Variants in SHPRH observed in about 807,000 individuals in gnomAD.
The protein encoded by SHPRH is SNF2 histone linker PHD RING helicase, also known as E3 ubiquitin-protein ligase SHPRH.
Under a neutral mutation model 202.5 loss-of-function variants are expected in SHPRH, and 106 were observed. The ratio of observed to expected loss-of-function variants is 0.52; its 90% confidence interval spans 0.45 to 0.62. The LOEUF is 0.62. Among genes scored for constraint, SHPRH ranks in the 20% least tolerant of loss-of-function variants. The pLI is 0.00. For missense variants in SHPRH, 1,710 were observed against 2,020.0 expected (o/e 0.85, Z 2.94); for synonymous variants, 729 against 686.0 (o/e 1.06, Z -0.98).
At chr6:145,961,313 A>C (rs1057209836) in intron 1 of SHPRH, among the ~76,000 whole-genome samples, 4 of 152,212 alleles carry the variant, frequency 2.6e-5, no homozygotes, top group African/African-American at 9.6e-5. Context: ...GGGCCCAGGC[A>C]CTACTCCCTT....
At chr6:145,861,094 C>CAA (rs1779564718), downstream of SHPRH, among the ~76,000 whole-genome samples, 1 of 151,760 alleles carries the variant, frequency 6.6e-6, no homozygotes, top group African/African-American at 2.4e-5. Flanking sequence ...GATATCACAC[C>CAA]AAAAACACAG....
intron 2 of SHPRH, among the ~76,000 whole-genome samples, chr6:145,875,463 C>A (rs1780259657): frequency 6.6e-6 from 1 of 152,182 alleles, no homozygotes; most frequent in African/African-American, 2.4e-5. Flanking sequence ...TTTAGTTGAA[C>A]CTTACAGTTC....
downstream of SHPRH, chr6:145,881,613 C>A (rs1001820468): frequency 3.9e-5 from 6 of 152,116 alleles, no homozygotes; most frequent in Non-Finnish European, 8.8e-5. Flanking sequence ...TGGGAGTTTG[C>A]CCTTTGAAGC....
intron 5 of SHPRH, 79 bp downstream of exon 5, chr6:145,948,193 C>T: frequency 9.4e-7 from 1 of 1,065,758 alleles, no homozygotes; most frequent in Non-Finnish European, 1.4e-6. Flanking sequence ...GTCAAAGTTA[C>T]AGATATGCTA....
chr6:145,942,442 C>G (rs1423563854), intron 9 of SHPRH, among the ~76,000 whole-genome samples: 4 of 151,736 alleles, frequency 2.6e-5, no homozygotes, highest in Non-Finnish European at 5.9e-5. Context: ...CTTTGCCTAC[C>G]CACACAGAAT....
At chr6:145,912,888 C>T (rs1783621624) in intron 24 of SHPRH, among the ~76,000 whole-genome samples, 1 of 151,914 alleles carries the variant, frequency 6.6e-6, no homozygotes, top group Admixed American at 6.6e-5. Context: ...AAAGCAGAAA[C>T]TTGTATTTTC....
chr6:145,914,761 A>T (rs961980078), intron 23 of SHPRH, among the ~76,000 whole-genome samples: 25 of 152,066 alleles, frequency 1.6e-4, no homozygotes, highest in African/African-American at 4.8e-4. Context: ...ATTTCTATTA[A>T]ACTTTTAGGG....
At position 145,943,722 on chromosome 6, in the gene SHPRH, T is replaced by C; in HGVS notation, c.1659A>G (p.Ser553=). 6.2e-7 allele frequency: 1 copy of C among 1,611,870 alleles called. No individual in the cohort carries two copies. Residue 553 remains serine, a synonymous_variant, in exon 9 of 30, where the codon TCA becomes TCG. Transcript: ENST00000275233. ...GATCATCATCATCATCAGAGGTGTCTGATGGCAAGTATTCAGAATCTGTGT... is the reference window on the plus strand; with the variant it reads ...GATCATCATCATCATCAGAGGTGTCCGATGGCAAGTATTCAGAATCTGTGT... The part of the protein sequence containing the change: ...NKDTDSEYLP[S]DTSDDDDDPY...
rs1396296199 is a variant in SHPRH, at chr6:145,943,539, C to T, written c.1842G>A (p.Met614Ile). The change falls in exon 9 of 30, where the codon ATG becomes ATA. Residue 614 changes from methionine (M) to isoleucine (I), a missense_variant. Around this residue, in one of 8 missense-constraint regions of SHPRH, gnomAD observed 348 missense variants for 356.9 expected, o/e 0.97. Transcript: ENST00000275233. ...TSDSGITDVA[M>I]SKSTCISEFN... is the part of the protein sequence containing the mutation. Reference sequence around the variant, plus strand: ...ATTCAGAGATACATGTACTTTTAGACATAGCAACATCAGTTATTCCAGAGT... The same window carrying T: ...ATTCAGAGATACATGTACTTTTAGATATAGCAACATCAGTTATTCCAGAGT... 1.2e-6 allele frequency: 2 copies of T among 1,613,890 alleles called. No homozygotes were observed. Among genetic ancestry groups the T allele is most frequent in the African/African-American group, 1.3e-5 (1 of 74,894 alleles).
At chr6:145,950,202 C>T in intron 4 of SHPRH, 62 bp downstream of exon 4, 1 of 1,414,700 alleles carries the variant, frequency 7.1e-7, no homozygotes, top group Non-Finnish European at 9.9e-7. Flanking sequence ...TCACCCTGCC[C>T]TAATTGTCTC....
At chr6:145,923,243 A>G (rs369349717) in intron 18 of SHPRH, among the ~76,000 whole-genome samples, 1 of 151,764 alleles carries the variant, frequency 6.6e-6, no homozygotes. Context: ...AAGAAGAAAA[A>G]TGGCTAAGAG....
downstream of SHPRH, among the ~76,000 whole-genome samples, chr6:145,861,528 C>T (rs1254951501): frequency 6.6e-6 from 1 of 151,322 alleles, no homozygotes. Context: ...CTATGGAAAA[C>T]AATATGGAGA....
intron 2 of SHPRH, among the ~76,000 whole-genome samples, chr6:145,871,812 G>A (rs114290212): frequency 0.04 from 6,141 of 152,240 alleles, 406 homozygotes; most frequent in African/African-American, 0.14. Flanking sequence ...TAGGGCTACA[G>A]TAACCAAAAT....
intron 27 of SHPRH, 62 bp downstream of exon 27, chr6:145,894,088 T>C (rs1421605251): frequency 8.1e-7 from 1 of 1,234,090 alleles, no homozygotes; most frequent in Non-Finnish European, 1.1e-6. Flanking sequence ...GTAAGCTAGT[T>C]AACAGCAGTT....
downstream of SHPRH, among the ~76,000 whole-genome samples, chr6:145,860,505 A>G (rs979245292): frequency 2.6e-5 from 4 of 152,066 alleles, no homozygotes; most frequent in African/African-American, 9.6e-5. Context: ...TAAAAGATAC[A>G]AATAAATAGA....
Position 145,943,580 on chromosome 6 carries a change from A to T in SHPRH, c.1801T>A (p.Cys601Ser). 6.2e-7 allele frequency: 1 copy of T among 1,614,008 alleles called. No homozygotes were observed. The highest frequency in any genetic ancestry group is 8.5e-7 in the Non-Finnish European group (1 of 1,179,930). ...PFINPDSQGH[C>S]PATSDSGITD... ...ATTCCAGAGTCGCTAGTAGCTGGACAGTGACCTTGTGAATCGGGATTGATA... is the reference window on the plus strand; with the variant it reads ...ATTCCAGAGTCGCTAGTAGCTGGACTGTGACCTTGTGAATCGGGATTGATA... Residue 601 changes from cysteine to serine, a missense_variant, in exon 9 of 30, where the codon TGT (cysteine) becomes AGT (serine). By Grantham distance (112) the Cys-to-Ser change is moderately radical. This residue lies in a region of SHPRH where 348 missense variants were observed against 356.9 expected (regional missense o/e 0.97). Coordinates refer to ENST00000275233, the MANE Select transcript of SHPRH (RefSeq NM_001042683.3).
intron 1 of SHPRH, among the ~76,000 whole-genome samples, chr6:145,958,843 T>C (rs1788772584): frequency 6.6e-6 from 1 of 152,162 alleles, no homozygotes; most frequent in Non-Finnish European, 1.5e-5. Context: ...ATTTATTTAT[T>C]TATTTATTGA....
chr6:145,932,651 C>T (rs1040632752), intron 14 of SHPRH, among the ~76,000 whole-genome samples: 1 of 152,092 alleles, frequency 6.6e-6, no homozygotes, highest in African/African-American at 2.4e-5. Context: ...AAAATGATCC[C>T]ACAAACTATT....
chr6:145,904,281 T>C (rs1782753691), intron 25 of SHPRH: 1 of 152,158 alleles, frequency 6.6e-6, no homozygotes, highest in Admixed American at 6.6e-5. Context: ...ATATAAACAT[T>C]TCAATTAAAT....
Sources: allele counts gnomAD v4.1 joint callset (sites outside exome capture counted in the v4.1 genomes callset), GRCh38; gene constraint gnomAD v4.1.1; regional missense constraint gnomAD v4.1.1; transcripts MANE v1.5; gene names NCBI Gene and HGNC (gene_info 2026-07-23, HGNC 2026-07-21).